Variants in NFASC observed in about 807,000 individuals in gnomAD.
NFASC encodes the protein neurofascin, also known as neurofascin homolog.
NFASC carries 43 observed loss-of-function variants against 147.5 expected under a neutral mutation model. That is an observed-to-expected ratio of 0.29 (90% confidence interval 0.23 to 0.38). The LOEUF (loss-of-function observed/expected upper bound fraction) is 0.38. Ranked by LOEUF, NFASC falls within the 10% of genes least tolerant of loss-of-function variation. The pLI is 1.00. For missense variants in NFASC, 1,320 were observed against 1,689.0 expected (o/e 0.78, Z 3.83); for synonymous variants, 622 against 665.5 (o/e 0.93, Z 1.01).
intron 1 of NFASC, among the ~76,000 whole-genome samples, chr1:204,839,965 G>C (rs1249119752): frequency 6.6e-6 from 1 of 152,158 alleles, no homozygotes. Flanking sequence ...TGCCCTGCCT[G>C]GTGGGGAGTG....
chr1:204,874,543 C>T (rs1034957526), intron 1 of NFASC, among the ~76,000 whole-genome samples: 17 of 152,234 alleles, frequency 1.1e-4, no homozygotes, highest in Non-Finnish European at 2.5e-4. Context: ...CCCCGGTTCC[C>T]ATTCCTGCAC....
chr1:205,008,645 A>C (rs766809474), intron 27 of NFASC: 2 of 152,598 alleles, frequency 1.3e-5, no homozygotes, highest in Non-Finnish European at 2.9e-5. Context: ...GGACACCCTC[A>C]GGTGACTCCT....
intron 5 of NFASC, among the ~76,000 whole-genome samples, chr1:204,953,458 C>T (rs761292259): frequency 3.3e-5 from 5 of 152,272 alleles, no homozygotes; most frequent in East Asian, 1.9e-4. Flanking sequence ...CCACCACACC[C>T]GGCTAATTTT....
At chr1:204,851,259 A>T (rs1455037623) in intron 1 of NFASC, among the ~76,000 whole-genome samples, 3 of 152,006 alleles carry the variant, frequency 2.0e-5, no homozygotes, top group African/African-American at 7.2e-5. Context: ...TGATGAAATT[A>T]TTGTAATATA....
chr1:204,880,414 G>T (rs1220264671), intron 1 of NFASC, among the ~76,000 whole-genome samples: 2 of 152,074 alleles, frequency 1.3e-5, no homozygotes, highest in East Asian at 1.9e-4. Context: ...GGAGTGCAGT[G>T]GGGCGATCTC....
At chr1:204,863,443 C>CTGG (rs2076833449) in intron 1 of NFASC, among the ~76,000 whole-genome samples, 1 of 152,108 alleles carries the variant, frequency 6.6e-6, no homozygotes, top group Non-Finnish European at 1.5e-5. Context: ...TAATAGAAAA[C>CTGG]TTGCTATTTC....
chr1:204,898,017 C>A (rs189280275), intron 1 of NFASC, among the ~76,000 whole-genome samples: 1 of 152,144 alleles, frequency 6.6e-6, no homozygotes, highest in Non-Finnish European at 1.5e-5. Context: ...GGATTACAAG[C>A]GTAAGCCACC....
intron 2 of NFASC, among the ~76,000 whole-genome samples, chr1:204,922,871 A>G (rs1185674229): frequency 2.0e-5 from 3 of 152,210 alleles, no homozygotes; most frequent in African/African-American, 7.2e-5. Flanking sequence ...GCTTCTTTAG[A>G]TGATGATAAT....
At position 204,981,911 on chromosome 1, in the gene NFASC, G is replaced by C. The variant is rs1390965055; in HGVS notation, c.2361G>C (p.Val787=). The C allele has an allele frequency of 3.1e-6, 5 of 1,609,202 alleles. No homozygotes were observed. Among genetic ancestry groups the C allele is most frequent in the South Asian group, 1.1e-5 (1 of 90,070 alleles). Reference sequence around the variant, plus strand: ...TCACAGTGTGGGGCTCTCGCTACGTGGTGGGGCAGACCCCAGTCTACGTGC... The same window carrying C: ...TCACAGTGTGGGGCTCTCGCTACGTCGTGGGGCAGACCCCAGTCTACGTGC... ...NNVTVWGSRY[V]VGQTPVYVPY... is the part of the protein sequence containing the mutation. The change falls in exon 21 of 30, where the codon GTG becomes GTC. Residue 787 remains valine, a synonymous_variant. Coordinates refer to ENST00000339876, the MANE Select transcript of NFASC (RefSeq NM_001005388.3).
intron 21 of NFASC, chr1:204,984,251 T>C: frequency 1.4e-6 from 1 of 728,748 alleles, no homozygotes. Flanking sequence ...CGTTGTTTAT[T>C]GAATCCAGGG....
Position 204,946,843 on chromosome 1 carries a change from A to G in NFASC, c.91+2437A>G, listed in dbSNP as rs1273923791. On this transcript the variant is annotated intron_variant, in intron 3 of 29. Transcript: ENST00000339876. ...GACCCCACGGGGCATGCTACCCCAC[A>G]AGACCAAGCGAGGCCAGCCGCCCTG... 8.1e-6 allele frequency: 4 copies of G among 491,402 alleles called. No homozygotes were observed. The East Asian group carries it at 1.8e-4, about 22-fold the overall frequency. 30.4% of individuals were successfully genotyped at this position (491,402 alleles called of 1,614,324 possible).
At chr1:204,931,799 G>C (rs1008951192) in intron 2 of NFASC, among the ~76,000 whole-genome samples, 2 of 152,034 alleles carry the variant, frequency 1.3e-5, no homozygotes, top group African/African-American at 2.4e-5. Flanking sequence ...TCCTAGTCCA[G>C]TTTCCCAAGC....
intron 21 of NFASC, chr1:204,985,853 A>T: frequency 8.4e-7 from 1 of 1,191,462 alleles, no homozygotes; most frequent in Non-Finnish European, 1.2e-6. Flanking sequence ...CACCACCACT[A>T]ACAACTAACC....
intron 2 of NFASC, among the ~76,000 whole-genome samples, chr1:204,924,682 A>G (rs1366248641): frequency 6.6e-6 from 1 of 152,158 alleles, no homozygotes; most frequent in Non-Finnish European, 1.5e-5. Flanking sequence ...GCAGATAACC[A>G]TCTGTTGGCT....
At chr1:204,967,955 GACAGC>G in intron 8 of NFASC, 2 of 312,484 alleles carry the variant, frequency 6.4e-6, no homozygotes, top group South Asian at 3.8e-5. Context: ...GCACTGCTCA[GACAGC>G]CCCTCCCCGT....
chr1:204,890,859 C>T (rs374960420), intron 1 of NFASC, among the ~76,000 whole-genome samples: 2 of 152,124 alleles, frequency 1.3e-5, no homozygotes, highest in African/African-American at 2.4e-5. Context: ...CGTGAGCCAC[C>T]GCACCTGGCC....
chr1:204,892,081 T>G (rs147657866), intron 1 of NFASC, among the ~76,000 whole-genome samples: 1 of 152,254 alleles, frequency 6.6e-6, no homozygotes, highest in East Asian at 1.9e-4. Flanking sequence ...GTAAGCCCCA[T>G]AGCAAGCAAT....
intron 3 of NFASC, chr1:204,946,668 G>A (rs756194869): frequency 5.8e-6 from 3 of 515,784 alleles, no homozygotes; most frequent in South Asian, 1.4e-5. Flanking sequence ...TGGGCTGGAA[G>A]GTGGTGGTCA....
intron 1 of NFASC, among the ~76,000 whole-genome samples, chr1:204,880,956 C>A (rs2080084325): frequency 6.6e-6 from 1 of 152,204 alleles, no homozygotes. Flanking sequence ...CCAAGCTAAC[C>A]AGAGAAATGC....
Sources: gnomAD v4.1 joint callset for allele counts (sites outside exome capture counted in the v4.1 genomes callset) on GRCh38, gnomAD v4.1.1 for gene constraint, MANE v1.5 for transcripts, NCBI Gene and HGNC (gene_info 2026-07-23, HGNC 2026-07-21) for gene names.